The following TPRG1 variants were observed in gnomAD, a reference collection of about 807,000 sequenced individuals.
The protein encoded by TPRG1 is tumor protein p63-regulated gene 1 protein.
In TPRG1, 29 loss-of-function variants were observed where a neutral mutation model predicts 29.3. The ratio of observed to expected loss-of-function variants is 0.99; its 90% CI spans 0.74 to 1.35. TPRG1 has a LOEUF of 1.35. Among genes scored for constraint, TPRG1 ranks in the 40% most tolerant of loss-of-function variants. The probability of loss-of-function intolerance (pLI) is 0.00; values close to 1 mark genes in which losing one functional copy is unlikely to be tolerated. For synonymous variants in TPRG1, 130 were observed against 116.8 expected (o/e 1.11, Z -0.73); for missense variants, 327 against 335.0 (o/e 0.98, Z 0.19).
chr3:189,206,279 C>T (rs1188744260), intron 1 of TPRG1, among the ~76,000 whole-genome samples: 1 of 151,566 alleles, frequency 6.6e-6, no homozygotes. Context: ...TACACTCACA[C>T]TTTCAGTGAT....
At chr3:189,136,670 C>T (rs1472148086) in intron 3 of TPRG1, among the ~76,000 whole-genome samples, 1 of 152,182 alleles carries the variant, frequency 6.6e-6, no homozygotes, top group Admixed American at 6.5e-5. Context: ...CCCTGCCTCT[C>T]ACTCTCGTTA....
chr3:189,120,882 T>G (rs1196710287), intron 1 of TPRG1, among the ~76,000 whole-genome samples: 1 of 152,218 alleles, frequency 6.6e-6, no homozygotes, highest in Non-Finnish European at 1.5e-5. Context: ...GACCAGGTCT[T>G]GTTAGTATTT....
intron 1 of TPRG1, among the ~76,000 whole-genome samples, chr3:189,114,602 A>C (rs941039994): frequency 6.6e-6 from 1 of 152,088 alleles, no homozygotes; most frequent in East Asian, 1.9e-4. Context: ...ATAGGGTAAG[A>C]GTCCACTCCT....
intron 5 of TPRG1, among the ~76,000 whole-genome samples, chr3:189,312,139 T>TCTC (rs1560689177): frequency 9.9e-5 from 6 of 60,472 alleles, no homozygotes; most frequent in Admixed American, 1.7e-4. Flanking sequence ...CTTTCTTTCT[T>TCTC]TCTTTCTTTC....
chr3:189,309,572 A>C (rs1056742594), intron 4 of TPRG1, among the ~76,000 whole-genome samples: 2 of 152,126 alleles, frequency 1.3e-5, no homozygotes, highest in African/African-American at 4.8e-5. Context: ...ACAAATCATA[A>C]ATTCTGATGG....
chr3:189,068,934 G>T (rs1013960458), intron 4 of TPRG1, among the ~76,000 whole-genome samples: 2 of 152,270 alleles, frequency 1.3e-5, no homozygotes, highest in Middle Eastern at 3.4e-3. Flanking sequence ...CCACTCATTT[G>T]TGGAAGCTAA....
At chr3:189,142,627 A>G (rs9852757) in intron 3 of TPRG1, among the ~76,000 whole-genome samples, 51,364 of 152,014 alleles carry the variant, frequency 0.34, 9,013 homozygotes, top group Admixed American at 0.46. Flanking sequence ...TGAAGACCAA[A>G]GAGACTCTAA....
intron 5 of TPRG1, chr3:189,313,197 T>G (rs993513528): frequency 3.9e-5 from 6 of 152,226 alleles, no homozygotes; most frequent in African/African-American, 1.4e-4. Flanking sequence ...ATCCAGGTTT[T>G]TGTGTCTTAT....
intron 4 of TPRG1, among the ~76,000 whole-genome samples, chr3:189,074,199 CTTTTT>C (rs554150288): frequency 7.3e-5 from 5 of 68,078 alleles, no homozygotes; most frequent in African/African-American, 3.4e-4. Context: ...AATTATTTTC[CTTTTT>C]TTTTTTTTTT....
At chr3:189,148,332 G>T (rs910659856) in intron 4 of TPRG1, among the ~76,000 whole-genome samples, 33 of 152,144 alleles carry the variant, frequency 2.2e-4, no homozygotes, top group African/African-American at 7.5e-4. Flanking sequence ...GCTGCAAAGG[G>T]CTCACAGTCT....
intron 4 of TPRG1, among the ~76,000 whole-genome samples, chr3:189,047,416 T>G (rs894172045): frequency 6.6e-6 from 1 of 152,214 alleles, no homozygotes; most frequent in Non-Finnish European, 1.5e-5. Flanking sequence ...CATCTGAGCC[T>G]TAAGTGAGCT....
intron 4 of TPRG1, among the ~76,000 whole-genome samples, chr3:189,261,951 A>C (rs567683994): frequency 2.0e-5 from 3 of 152,132 alleles, no homozygotes. Flanking sequence ...GAATGATGGT[A>C]TGAGGAGTTT....
At chr3:189,217,141 C>T (rs2108846658) in intron 3 of TPRG1, among the ~76,000 whole-genome samples, 1 of 152,200 alleles carries the variant, frequency 6.6e-6, no homozygotes, top group East Asian at 1.9e-4. Flanking sequence ...CATAAATTGT[C>T]CAAAACTAAG....
chr3:189,055,651 C>T (rs1227536451), intron 4 of TPRG1, among the ~76,000 whole-genome samples: 1 of 152,132 alleles, frequency 6.6e-6, no homozygotes, highest in Non-Finnish European at 1.5e-5. Flanking sequence ...ACTGTGTAGG[C>T]AAACAGTTTC....
In TPRG1 at chr3:189,324,128, A is replaced by G. The variant is rs549477827; in HGVS notation, c.*3308A>G. 25 of 152,258 alleles carry G rather than the reference A, an allele frequency of 1.6e-4. No homozygotes were observed. The highest frequency in any genetic ancestry group is 5.5e-4 in the African/African-American group (23 of 41,568). 9.4% of individuals were successfully genotyped at this position (152,258 alleles called of 1,614,324 possible). On this transcript the variant is annotated 3_prime_UTR_variant, in exon 6 of 6. Transcript: ENST00000345063. ...AAGAGAAGCTCACTTATAAGTTGGC[A>G]CTTCTGAATCATTTGCCTTGAGGTC... is the stretch of plus-strand genomic sequence containing the variant.
intron 4 of TPRG1, among the ~76,000 whole-genome samples, chr3:189,074,867 A>T (rs1007868602): frequency 6.6e-6 from 1 of 151,226 alleles, no homozygotes; most frequent in African/African-American, 2.4e-5. Flanking sequence ...GCTGGAGTGC[A>T]GTGGCGCGAT....
chr3:189,223,285 CA>C (rs1560573240), intron 3 of TPRG1, among the ~76,000 whole-genome samples: 1 of 152,184 alleles, frequency 6.6e-6, no homozygotes, highest in African/African-American at 2.4e-5. Context: ...CCAAGCAACT[CA>C]AAGCCCAGTA....
chr3:189,280,105 G>T (rs1177343605), intron 4 of TPRG1, among the ~76,000 whole-genome samples: 2 of 152,048 alleles, frequency 1.3e-5, no homozygotes, highest in African/African-American at 4.8e-5. Context: ...GTAGCTCAGG[G>T]ACTTATCTGT....
intron 1 of TPRG1, among the ~76,000 whole-genome samples, chr3:189,184,108 C>T (rs1471759025): frequency 6.6e-6 from 1 of 152,078 alleles, no homozygotes; most frequent in African/African-American, 2.4e-5. Context: ...TTAGCCAGTC[C>T]CTCTGTTTGG....
Sources: gnomAD v4.1 joint callset for allele counts (sites outside exome capture counted in the v4.1 genomes callset) on GRCh38, gnomAD v4.1.1 for gene constraint, MANE v1.5 for transcripts, NCBI Gene and HGNC (gene_info 2026-07-23, HGNC 2026-07-21) for gene names.